The following CHMP3 variants were observed in gnomAD, a reference collection of about 807,000 sequenced individuals.
The protein encoded by CHMP3 is 25.1 protein.
CHMP3 carries 8 observed loss-of-function variants against 27.4 expected under a neutral mutation model. The ratio of observed to expected loss-of-function variants is 0.29; its 90% CI spans 0.17 to 0.53. CHMP3 has a LOEUF of 0.53. Among genes scored for constraint, CHMP3 ranks in the 20% least tolerant of loss-of-function variants. The probability of loss-of-function intolerance (pLI) is 0.96; values close to 1 mark genes in which losing one functional copy is unlikely to be tolerated. For synonymous variants in CHMP3, 86 were observed against 85.5 expected, an observed-to-expected ratio of 1.01 and a Z score of -0.03; for missense variants, 208 against 271.5, an observed-to-expected ratio of 0.77 and a Z score of 1.64.
intron 2 of CHMP3, among the ~76,000 whole-genome samples, chr2:86,531,700 C>T (rs1020914365): frequency 1.3e-5 from 2 of 152,180 alleles, no homozygotes; most frequent in Non-Finnish European, 2.9e-5. Context: ...CCAGTTTTCC[C>T]AGCACCATTT....
chr2:86,519,301 G>A (rs1037898764), intron 3 of CHMP3, among the ~76,000 whole-genome samples: 5 of 151,182 alleles, frequency 3.3e-5, no homozygotes, highest in African/African-American at 1.2e-4. Context: ...GGAGGCAGAG[G>A]TGGCAGTGAG....
intron 1 of CHMP3, among the ~76,000 whole-genome samples, chr2:86,554,812 C>CGTGTGT (rs771711385): frequency 2.6e-5 from 2 of 77,890 alleles, no homozygotes; most frequent in African/African-American, 3.4e-5. Flanking sequence ...AATGTGTGTG[C>CGTGTGT]GCGCGTGTGT....
intron 2 of CHMP3, among the ~76,000 whole-genome samples, chr2:86,530,763 C>T (rs927899754): frequency 1.3e-5 from 2 of 152,130 alleles, no homozygotes; most frequent in African/African-American, 2.4e-5. Flanking sequence ...TTCACAGTGG[C>T]TTCATCATTT....
intron 1 of CHMP3, among the ~76,000 whole-genome samples, chr2:86,560,798 G>A (rs774534972): frequency 1.3e-5 from 2 of 152,120 alleles, no homozygotes; most frequent in Non-Finnish European, 2.9e-5. Context: ...GGAGGCCTCA[G>A]GAAGCTTCCA....
intron 4 of CHMP3, 75 bp downstream of exon 4, chr2:86,510,283 C>CAAAACA: frequency 2.3e-6 from 3 of 1,281,110 alleles, no homozygotes; most frequent in Non-Finnish European, 3.2e-6. Flanking sequence ...CACCCACCCT[C>CAAAACA]ATCCCTAGCC....
intron 3 of CHMP3, among the ~76,000 whole-genome samples, chr2:86,515,562 C>A (rs1675269735): frequency 6.6e-6 from 1 of 152,026 alleles, no homozygotes; most frequent in African/African-American, 2.4e-5. Flanking sequence ...CTCAGGTGAT[C>A]CACCCGCCTC....
chr2:86,537,588 T>TA lies in CHMP3; in HGVS notation c.106+4663dup, dbSNP rs565620440. On this transcript the variant is annotated intron_variant, in intron 2 of 5. Transcript: ENST00000263856. ...TGAATGTTTGAATCTTCTAATGTGG[T>TA]AACTCTGGAGATCAGATGCTGATTC... Among the ~76,000 whole-genome samples, 787 of 152,346 alleles carry TA rather than the reference T, an allele frequency of 5.2e-3. 2 individuals carry two copies. The highest frequency in any genetic ancestry group is 8.3e-3 in the Non-Finnish European group (568 of 68,030).
intron 2 of CHMP3, chr2:86,540,947 C>A (rs373191449): frequency 3.0e-4 from 45 of 151,838 alleles, no homozygotes; most frequent in African/African-American, 1.0e-3. Context: ...ATGCTGGCCA[C>A]TGTATATGTT....
chr2:86,531,722 T>G (rs1675930028), intron 2 of CHMP3, among the ~76,000 whole-genome samples: 1 of 152,222 alleles, frequency 6.6e-6, no homozygotes. Context: ...CTGAAAACTG[T>G]CCTTTCCTCC....
At chr2:86,558,296 T>C (rs1677201872) in intron 1 of CHMP3, among the ~76,000 whole-genome samples, 1 of 152,212 alleles carries the variant, frequency 6.6e-6, no homozygotes, top group Admixed American at 6.5e-5. Flanking sequence ...ACTTGCATCC[T>C]TTAAAACAGA....
At chr2:86,556,660 CG>C (rs1377652741) in intron 1 of CHMP3, among the ~76,000 whole-genome samples, 1 of 151,992 alleles carries the variant, frequency 6.6e-6, no homozygotes, top group African/African-American at 2.4e-5. Flanking sequence ...ACTGCTCTCT[CG>C]GGGAAGGCGG....
intron 3 of CHMP3, among the ~76,000 whole-genome samples, chr2:86,518,514 G>C (rs1430866515): frequency 6.6e-6 from 1 of 151,966 alleles, no homozygotes; most frequent in Non-Finnish European, 1.5e-5. Context: ...GATGTATATG[G>C]CAGATACAAT....
At chr2:86,552,531 C>A (rs1206820419) in intron 1 of CHMP3, among the ~76,000 whole-genome samples, 1 of 152,212 alleles carries the variant, frequency 6.6e-6, no homozygotes, top group East Asian at 1.9e-4. Flanking sequence ...TGAAGGATTA[C>A]TGAAGAGCTG....
At chr2:86,558,794 C>T (rs1391128086) in intron 1 of CHMP3, among the ~76,000 whole-genome samples, 1 of 151,430 alleles carries the variant, frequency 6.6e-6, no homozygotes, top group African/African-American at 2.4e-5. Flanking sequence ...ATGCCCCTTC[C>T]ATTTCTGCCA....
chr2:86,506,223 C>T (rs1674882052), intron 5 of CHMP3, among the ~76,000 whole-genome samples: 1 of 152,138 alleles, frequency 6.6e-6, no homozygotes, highest in Non-Finnish European at 1.5e-5. Flanking sequence ...AATCTTCTTT[C>T]TGAATAAAAC....
chr2:86,506,934 A>G (rs1674909515), intron 5 of CHMP3: 1 of 152,214 alleles, frequency 6.6e-6, no homozygotes, highest in Non-Finnish European at 1.5e-5. Context: ...TTTATAAATA[A>G]TGCTACTACA....
At chr2:86,544,088 T>C (rs1367043415) in intron 1 of CHMP3, among the ~76,000 whole-genome samples, 1 of 152,238 alleles carries the variant, frequency 6.6e-6, no homozygotes, top group African/African-American at 2.4e-5. Context: ...TTATTTAACA[T>C]GATGTTTTCA....
At chr2:86,547,497 G>A (rs1359829493) in intron 1 of CHMP3, among the ~76,000 whole-genome samples, 14 of 152,116 alleles carry the variant, frequency 9.2e-5, no homozygotes, top group East Asian at 7.7e-4. Context: ...TCATGTCTCC[G>A]ACCAGTGCTT....
Position 86,542,259 on chromosome 2 carries a change from T to G in CHMP3, c.99A>C (p.Gln33His). The G allele has an allele frequency of 6.2e-7, 1 of 1,613,536 alleles. No individual in the cohort carries two copies. The highest frequency in any genetic ancestry group is 8.5e-7 in the Non-Finnish European group (1 of 1,179,598). The change falls in exon 2 of 6, where the codon CAA becomes CAC. Residue 33 changes from glutamine to histidine, a missense_variant. Physicochemically the swap from Gln to His is conservative, Grantham distance 24. Around this residue, in one of 3 missense-constraint regions of CHMP3, gnomAD observed 52 missense variants for 43.5 expected, o/e 1.19. Coordinates refer to ENST00000263856, the MANE Select transcript of CHMP3 (RefSeq NM_016079.4). ...IRKEMRVVDRQIRDIQREEEK... is the reference protein window; with the variant it reads ...IRKEMRVVDRHIRDIQREEEK... ...CATAAAATGATAACTTACCCCTTATTTGCCTGTCAACAACTCTCATTTCCT... is the reference window on the plus strand; with the variant it reads ...CATAAAATGATAACTTACCCCTTATGTGCCTGTCAACAACTCTCATTTCCT...
Sources: allele counts gnomAD v4.1 joint callset (sites outside exome capture counted in the v4.1 genomes callset), GRCh38; gene constraint gnomAD v4.1.1; regional missense constraint gnomAD v4.1.1; transcripts MANE v1.5; gene names NCBI Gene and HGNC (gene_info 2026-07-23, HGNC 2026-07-21).